Variants in SPNS3 observed in about 807,000 individuals in gnomAD.
The protein encoded by SPNS3 is SPNS lysolipid transporter 3, sphingosine-1-phosphate (putative).
A neutral mutation model predicts 54.4 loss-of-function variants in SPNS3; 51 were observed. That is an observed-to-expected ratio of 0.94 (90% confidence interval 0.75 to 1.18). The LOEUF (loss-of-function observed/expected upper bound fraction) is 1.18. SPNS3 is among the 50% of genes most tolerant of loss of function. SPNS3 has a pLI of 0.00. For missense variants in SPNS3, 669 were observed against 677.4 expected (o/e 0.99, Z 0.14); for synonymous variants, 309 against 294.7 (o/e 1.05, Z -0.50).
chr17:4,486,391 C>A lies in SPNS3; in HGVS notation c.1279-21C>A. On this transcript the variant is annotated intron_variant, in intron 10 of 11. Coordinates refer to ENST00000355530, the MANE Select transcript of SPNS3 (RefSeq NM_182538.5). This position sits in a 1 kb window ranked among gnomAD's most constrained non-coding sequence, Gnocchi z 5.5. ...GGGCCAGGCTGGTGGGCCTGGCAGA[C>A]TCATCCCTTCTCCTCCGCAGATCTC... The A allele has an allele frequency of 6.3e-7, 1 of 1,596,454 alleles. No individual in the cohort carries two copies. Among genetic ancestry groups the A allele is most frequent in the Admixed American group, 1.7e-5 (1 of 57,588 alleles).
chr17:4,458,915 C>T (rs192557480), intron 8 of SPNS3, among the ~76,000 whole-genome samples: 14 of 152,150 alleles, frequency 9.2e-5, no homozygotes, highest in Non-Finnish European at 1.9e-4. Context: ...CTTATCCCGG[C>T]ATTTAAAGCC....
chr17:4,455,474 C>G (rs1224487543), intron 8 of SPNS3, among the ~76,000 whole-genome samples: 1 of 152,190 alleles, frequency 6.6e-6, no homozygotes, highest in African/African-American at 2.4e-5. Flanking sequence ...GTGGGGGGTA[C>G]TTTGTGGGCG....
intron 8 of SPNS3, among the ~76,000 whole-genome samples, chr17:4,464,619 G>C (rs1051745202): frequency 4.6e-5 from 7 of 152,196 alleles, no homozygotes; most frequent in Admixed American, 3.9e-4. Context: ...GAAAATGGGA[G>C]TGCTACTCTT....
At position 4,487,953 on chromosome 17, in the gene SPNS3, G is replaced by T; in HGVS notation, c.*59G>T. On this transcript the variant is annotated 3_prime_UTR_variant, in exon 12 of 12. Coordinates refer to ENST00000355530, the MANE Select transcript of SPNS3 (RefSeq NM_182538.5). ...TCCCGTTGGTCCCCACAGCAGCAGT[G>T]CCTCGGTTCCTCTTTGGCTGTCCTC... 1 of 1,488,622 alleles carries T rather than the reference G, an allele frequency of 6.7e-7. No individual in the cohort carries two copies. Among genetic ancestry groups the T allele is most frequent in the Non-Finnish European group, 9.4e-7 (1 of 1,069,182 alleles). 92.2% of individuals were successfully genotyped at this position (1,488,622 alleles called of 1,614,324 possible). A position where few individuals can be genotyped will look rare whatever the true frequency, so the allele number is the denominator to read the frequency against.
intron 2 of SPNS3, among the ~76,000 whole-genome samples, chr17:4,440,989 G>T (rs565423175): frequency 2.0e-5 from 3 of 152,118 alleles, no homozygotes; most frequent in Non-Finnish European, 2.9e-5. Flanking sequence ...TCAGTTTGAC[G>T]TCTAATTGCT....
intron 4 of SPNS3, among the ~76,000 whole-genome samples, 197 bp downstream of exon 4, chr17:4,446,396 A>T (rs145370260): frequency 1.0e-3 from 159 of 152,236 alleles, no homozygotes; most frequent in African/African-American, 3.5e-3. Context: ...CAGTGACACC[A>T]GCTGATGGGC....
At chr17:4,479,056 C>T (rs2144208048) in intron 9 of SPNS3, among the ~76,000 whole-genome samples, 1 of 152,294 alleles carries the variant, frequency 6.6e-6, no homozygotes, top group African/African-American at 2.4e-5. Context: ...GATTCTTCTG[C>T]CTCAGCCTCC....
rs1567563858 is a variant in SPNS3, at chr17:4,458,593, CTTTCTTTCTTTCTTT to C, written c.1113+5389_1113+5403del. On this transcript the variant is annotated intron_variant, in intron 8 of 11. Coordinates refer to ENST00000355530, the MANE Select transcript of SPNS3 (RefSeq NM_182538.5). Reference sequence around the variant, plus strand: ...CCTTTCTTTCTTCCTTCCCTCCTTTCTTTCTTTCTTTCTTTCTTTCTTTCTTTCTTTCTTTCTTTC... The same window carrying C: ...CCTTTCTTTCTTCCTTCCCTCCTTTCCTTTCTTTCTTTCTTTCTTTCTTTC... Among the ~76,000 whole-genome samples, 257 of 79,946 alleles carry C rather than the reference CTTTCTTTCTTTCTTT, an allele frequency of 3.2e-3. 8 individuals carry two copies. The highest frequency in any genetic ancestry group is 8.3e-3 in the African/African-American group (188 of 22,570). The allele number at this position is 79,946 out of a possible 152,430, so 52.4% of individuals were successfully genotyped here.
At chr17:4,462,144 T>C (rs12937376) in intron 8 of SPNS3, among the ~76,000 whole-genome samples, 6,907 of 9,140 alleles carry the variant, frequency 0.76, 2,373 homozygotes, top group Middle Eastern at 0.84. Flanking sequence ...CATCCATCCA[T>C]CCATCCATCC....
intron 7 of SPNS3, among the ~76,000 whole-genome samples, chr17:4,449,620 T>TC (rs74795345): frequency 0.12 from 17,504 of 152,036 alleles, 1,224 homozygotes; most frequent in Middle Eastern, 0.2. Flanking sequence ...TGGGCTGAAT[T>TC]CCCCATATCT....
At chr17:4,463,259 A>C (rs889113524) in intron 8 of SPNS3, among the ~76,000 whole-genome samples, 1 of 151,548 alleles carries the variant, frequency 6.6e-6, no homozygotes, top group Non-Finnish European at 1.5e-5. Context: ...TTAGCCAGGC[A>C]TGGTGGTGGC....
chr17:4,439,844 G>T (rs1970804085), intron 2 of SPNS3, 121 bp downstream of exon 2: 1 of 879,532 alleles, frequency 1.1e-6, no homozygotes, highest in East Asian at 2.6e-5. Context: ...CAGAGGGTGG[G>T]TGGGGTATGG....
chr17:4,437,989 G>A (rs1422051863), intron 1 of SPNS3, among the ~76,000 whole-genome samples: 1 of 152,122 alleles, frequency 6.6e-6, no homozygotes, highest in East Asian at 1.9e-4. Context: ...GGATTTCACT[G>A]TGTTAGCCAC....
At chr17:4,447,065 T>A in intron 5 of SPNS3, 103 bp downstream of exon 5, 4 of 1,028,264 alleles carry the variant, frequency 3.9e-6, no homozygotes, top group Non-Finnish European at 5.5e-6. Context: ...CCGGCGCCAT[T>A]AGGGGGACGG....
intron 8 of SPNS3, among the ~76,000 whole-genome samples, chr17:4,464,566 A>G (rs868851514): frequency 1.3e-5 from 2 of 152,182 alleles, no homozygotes; most frequent in South Asian, 4.2e-4. Flanking sequence ...TGTGTGACCT[A>G]GGGCAAGATC....
intron 2 of SPNS3, among the ~76,000 whole-genome samples, chr17:4,443,946 C>T (rs906126161): frequency 2.3e-4 from 35 of 152,230 alleles, no homozygotes; most frequent in African/African-American, 7.9e-4. Context: ...GCAAAAACTA[C>T]AAAAATTAGC....
rs760398853 is a variant in SPNS3, at chr17:4,445,122, T to C, written c.356T>C (p.Leu119Ser). The change falls in exon 3 of 12, where the codon TTG becomes TCG. Residue 119 changes from leucine (L) to serine (S), a missense_variant. Physicochemically the swap from Leu to Ser is moderately radical, Grantham distance 145 (BLOSUM62 -2). Transcript: ENST00000355530. Reference protein sequence around the residue: ...SRKATMSFGILLWSGAGLSSS... With the variant: ...SRKATMSFGISLWSGAGLSSS... ...AAGGCTACCATGAGCTTCGGTATCT[T>C]GCTGTGGTCAGGAGCTGGCCTCTCT... 1 of 1,614,198 alleles carries C rather than the reference T, an allele frequency of 6.2e-7. No individual in the cohort carries two copies. Among genetic ancestry groups the C allele is most frequent in the South Asian group, 1.1e-5 (1 of 91,086 alleles).
chr17:4,454,821 C>T (rs1472688569), intron 8 of SPNS3, among the ~76,000 whole-genome samples: 1 of 151,734 alleles, frequency 6.6e-6, no homozygotes, highest in African/African-American at 2.4e-5. Flanking sequence ...GACGGGGTTT[C>T]ACTATGTTGG....
chr17:4,449,362 C>T lies in SPNS3; in HGVS notation c.898C>T (p.Gln300Ter). The change falls in exon 7 of 12, where the codon CAG (glutamine) becomes TAG (stop). Residue 300 changes from glutamine (Q) to a stop codon, truncating the protein, a stop_gained. Transcript: ENST00000355530. LOFTEE classifies it high-confidence loss of function. The stretch of plus-strand genomic sequence containing the variant: ...TCACGGGCTGCAGCCTCCCTGCTTC[C>T]AGGAGCCGTGCAGCAACCCCGACAG... Reference protein sequence around the residue: ...VVHGLQPPCFQEPCSNPDSLI... With the variant: ...VVHGLQPPCF 1 of 1,606,206 alleles carries T rather than the reference C, an allele frequency of 6.2e-7. No individual in the cohort carries two copies. Among genetic ancestry groups the T allele is most frequent in the Non-Finnish European group, 8.5e-7 (1 of 1,178,942 alleles).
Sources: gnomAD v4.1 joint callset for allele counts (sites outside exome capture counted in the v4.1 genomes callset) on GRCh38, gnomAD v4.1.1 for gene constraint, Gnocchi (gnomAD v3.1) non-coding constraint, MANE v1.5 for transcripts, NCBI Gene and HGNC (gene_info 2026-07-23, HGNC 2026-07-21) for gene names.